The following PLEKHH2 variants were observed in gnomAD, a reference collection of about 807,000 sequenced individuals.
PLEKHH2 encodes pleckstrin homology domain-containing family H member 2.
PLEKHH2 carries 129 observed loss-of-function variants against 187.9 expected under a neutral mutation model. The observed-to-expected ratio is 0.69, with a 90% CI of 0.59 to 0.79. The LOEUF (loss-of-function observed/expected upper bound fraction) is 0.79, where lower values mean the gene tolerates loss of function less well. Ranked by LOEUF, PLEKHH2 falls within the 30% of genes least tolerant of loss-of-function variation. PLEKHH2 has a pLI of 0.00. For missense variants in PLEKHH2, 2,076 were observed against 1,751.2 expected, an observed-to-expected ratio of 1.19 and a Z score of -3.31; for synonymous variants, 686 against 605.6, an observed-to-expected ratio of 1.13 and a Z score of -1.95.
intron 6 of PLEKHH2, among the ~76,000 whole-genome samples, chr2:43,696,870 A>G (rs1350956675): frequency 1.3e-5 from 2 of 152,192 alleles, no homozygotes; most frequent in Non-Finnish European, 2.9e-5. Context: ...CTCTCTAGTT[A>G]TTTATAATCT....
At chr2:43,654,219 G>A (rs191443864) in intron 2 of PLEKHH2, among the ~76,000 whole-genome samples, 5 of 152,144 alleles carry the variant, frequency 3.3e-5, no homozygotes, top group South Asian at 2.1e-4. Flanking sequence ...TTATTGAGAC[G>A]GAGTCTTGCT....
intron 3 of PLEKHH2, among the ~76,000 whole-genome samples, chr2:43,690,083 C>A (rs1451709209): frequency 4.6e-5 from 7 of 152,330 alleles, no homozygotes; most frequent in Admixed American, 1.3e-4. Flanking sequence ...TCATTTTGGA[C>A]TTGGGCTCTG....
chr2:43,692,526 G>C lies in PLEKHH2; in HGVS notation c.199G>C (p.Glu67Gln). ...EKAFQQVQVMEDKLKAANIQT... is the reference protein window; with the variant it reads ...EKAFQQVQVMQDKLKAANIQT... ...CCTTTGAATTTAGGTACAAGTTATG[G>C]AAGATAAATTAAAAGCAGCTAATAT... The change falls in exon 4 of 30, where the codon GAA (glutamate) becomes CAA (glutamine). Residue 67 changes from glutamate to glutamine, a missense_variant. Transcript: ENST00000282406. The C allele has an allele frequency of 6.4e-7, 1 of 1,574,536 alleles. No individual in the cohort carries two copies. The highest frequency in any genetic ancestry group is 8.7e-7 in the Non-Finnish European group (1 of 1,148,948).
intron 18 of PLEKHH2, 32 bp downstream of exon 18, chr2:43,729,777 T>C (rs896546877): frequency 2.8e-6 from 4 of 1,449,052 alleles, no homozygotes; most frequent in East Asian, 2.4e-5. Context: ...TAAAGCTTTA[T>C]GGTTAATGAA....
chr2:43,672,552 T>C (rs2104405095), intron 2 of PLEKHH2, among the ~76,000 whole-genome samples: 1 of 152,232 alleles, frequency 6.6e-6, no homozygotes, highest in East Asian at 1.9e-4. Context: ...AGCAGTGGCA[T>C]CATCACCAGT....
At chr2:43,655,159 T>C (rs1305536305) in intron 2 of PLEKHH2, among the ~76,000 whole-genome samples, 1 of 152,046 alleles carries the variant, frequency 6.6e-6, no homozygotes, top group Non-Finnish European at 1.5e-5. Flanking sequence ...AGTGCTATAA[T>C]GATGCCTGGG....
chr2:43,710,589 T>A lies in PLEKHH2; in HGVS notation c.2301+14T>A. ...CAAACAGTTCAGGTACTTAACTTTT[T>A]TTTTTTTTTTTTTTTTTTTGTATCA... On this transcript the variant is annotated intron_variant, in intron 14 of 29. Coordinates refer to ENST00000282406, the MANE Select transcript of PLEKHH2 (RefSeq NM_172069.4). 7.1e-7 allele frequency: 1 copy of A among 1,415,938 alleles called. No individual in the cohort carries two copies. The highest frequency in any genetic ancestry group is 9.5e-7 in the Non-Finnish European group (1 of 1,051,176). The allele number at this position is 1,415,938 out of a possible 1,614,324, so 87.7% of individuals were successfully genotyped here. A position where few individuals can be genotyped will look rare whatever the true frequency, so the allele number is the denominator to read the frequency against.
intron 25 of PLEKHH2, among the ~76,000 whole-genome samples, chr2:43,756,542 C>T (rs905733884): frequency 6.6e-6 from 1 of 152,016 alleles, no homozygotes. Context: ...TCCTTGCAGA[C>T]AATAACAAAG....
chr2:43,707,322 C>T (rs1179435967), intron 10 of PLEKHH2, 79 bp from the exon 11 acceptor site: 1 of 1,547,732 alleles, frequency 6.5e-7, no homozygotes, highest in Non-Finnish European at 8.8e-7. Context: ...AGGAGGCGAC[C>T]CTAATAACTA....
chr2:43,707,221 A>G (rs972291869), intron 10 of PLEKHH2, among the ~76,000 whole-genome samples, 180 bp from the exon 11 acceptor site: 2 of 143,194 alleles, frequency 1.4e-5, no homozygotes, highest in Non-Finnish European at 3.0e-5. Context: ...AAAAAATTCT[A>G]TGCTATGACT....
Position 43,692,584 on chromosome 2 carries a change from A to C in PLEKHH2, c.257A>C (p.Asn86Thr), listed in dbSNP as rs764507776. 1.9e-6 allele frequency: 3 copies of C among 1,607,226 alleles called. No homozygotes were observed. Among genetic ancestry groups the C allele is most frequent in the Non-Finnish European group, 2.6e-6 (3 of 1,174,298 alleles). The change falls in exon 4 of 30, where the codon AAT (asparagine) becomes ACT (threonine). Residue 86 changes from asparagine to threonine, a missense_variant. By Grantham distance (65) the Asn-to-Thr change is moderately conservative. Transcript: ENST00000282406. The part of the protein sequence containing the change: ...QTSESETRLY[N>T]KCQDLESLIQ... ...AGTGAATCAGAGACAAGATTATATAATAAGTGTCAAGATCTGGAGTCGCTA... is the reference window on the plus strand; with the variant it reads ...AGTGAATCAGAGACAAGATTATATACTAAGTGTCAAGATCTGGAGTCGCTA...
In PLEKHH2 at chr2:43,755,634, C is replaced by T. The variant is rs74651883; in HGVS notation, c.3796-1485C>T. Among the ~76,000 whole-genome samples, 89 of 152,264 alleles carry T rather than the reference C, an allele frequency of 5.8e-4. No individual in the cohort carries two copies. In the East Asian group the frequency reaches 9.8e-3, roughly 17 times the overall value. On this transcript the variant is annotated intron_variant, in intron 25 of 29. Transcript: ENST00000282406. ...TGTGTGTCTCTGCTTCCGGTGGTAT[C>T]AGCTGACATAGCTTGAGAGCCAGTT...
intron 3 of PLEKHH2, among the ~76,000 whole-genome samples, chr2:43,687,469 T>C (rs1243636973): frequency 2.6e-5 from 4 of 152,194 alleles, no homozygotes; most frequent in African/African-American, 4.8e-5. Flanking sequence ...AGTGCATGTG[T>C]CTTTTTGGTA....
At chr2:43,740,847 T>C (rs1671529996) in intron 20 of PLEKHH2, 99 bp from the exon 21 acceptor site, 1 of 1,475,536 alleles carries the variant, frequency 6.8e-7, no homozygotes. Context: ...CAAAACGTTT[T>C]TGGGTTAAGA....
chr2:43,719,098 C>T lies in PLEKHH2; in HGVS notation c.2461-1571C>T, dbSNP rs138854074. 7.9e-5 allele frequency among the ~76,000 whole-genome samples: 12 copies of T among 152,284 alleles called. 1 individual carries two copies. The highest frequency in any genetic ancestry group is 4.2e-4 in the South Asian group (2 of 4,816). On this transcript the variant is annotated intron_variant, in intron 15 of 29. Coordinates refer to ENST00000282406, the MANE Select transcript of PLEKHH2 (RefSeq NM_172069.4). ...GTTCTCACAACAGCCCAGTTGTGAG[C>T]CTCTGCACTCTTGATGAAAATATTT...
intron 1 of PLEKHH2, among the ~76,000 whole-genome samples, chr2:43,639,265 C>G (rs1381422513): frequency 6.6e-6 from 1 of 152,082 alleles, no homozygotes; most frequent in Non-Finnish European, 1.5e-5. Context: ...TTATTGAGAT[C>G]TTAATATAAG....
In PLEKHH2 at chr2:43,738,271, T is replaced by C. The variant is rs1308109507; in HGVS notation, c.2944-70T>C. Reference sequence around the variant, plus strand: ...ACAAAAACTACTGCTGAAAAGATATTCGATATAATTCATGCAGAATAAATC... The same window carrying C: ...ACAAAAACTACTGCTGAAAAGATATCCGATATAATTCATGCAGAATAAATC... On this transcript the variant is annotated intron_variant, in intron 19 of 29. Transcript: ENST00000282406. The C allele has an allele frequency of 2.4e-6, 3 of 1,262,526 alleles. No individual in the cohort carries two copies. The African/African-American group carries it at 4.5e-5, about 19-fold the overall frequency. 78.2% of individuals were successfully genotyped at this position (1,262,526 alleles called of 1,614,324 possible).
At chr2:43,652,375 T>C (rs1666519906) in intron 2 of PLEKHH2, among the ~76,000 whole-genome samples, 1 of 152,156 alleles carries the variant, frequency 6.6e-6, no homozygotes, top group South Asian at 2.1e-4. Context: ...AGCTCAAGCC[T>C]TATTCTCCAA....
chr2:43,656,871 T>C (rs1666796208), intron 2 of PLEKHH2, among the ~76,000 whole-genome samples: 1 of 151,996 alleles, frequency 6.6e-6, no homozygotes, highest in Non-Finnish European at 1.5e-5. Context: ...TACAAAAAAT[T>C]AGCCAGGCAT....
Sources: allele counts gnomAD v4.1 joint callset (sites outside exome capture counted in the v4.1 genomes callset), GRCh38; gene constraint gnomAD v4.1.1; transcripts MANE v1.5; gene names NCBI Gene and HGNC (gene_info 2026-07-23, HGNC 2026-07-21).